Variants in ZW10 observed in about 807,000 individuals in gnomAD.
ZW10 encodes zw10 kinetochore protein, also known as centromere/kinetochore protein zw10 homolog.
In ZW10, 53 loss-of-function variants were observed where a neutral mutation model predicts 87.8. The observed-to-expected ratio is 0.60, with a 90% CI of 0.48 to 0.76. The LOEUF (loss-of-function observed/expected upper bound fraction) is 0.76, where lower values mean the gene tolerates loss of function less well. ZW10 is among the 30% of genes least tolerant of loss of function. ZW10 has a pLI of 0.00. For synonymous variants in ZW10, 312 were observed against 329.2 expected (o/e 0.95, Z 0.57); for missense variants, 837 against 923.0 (o/e 0.91, Z 1.21).
Position 113,733,555 on chromosome 11 carries a change from C to T in ZW10, c.*139G>A, listed in dbSNP as rs553332580. 2.3e-5 allele frequency: 26 copies of T among 1,127,456 alleles called. No individual in the cohort carries two copies. The highest frequency in any genetic ancestry group is 4.2e-5 in the South Asian group (3 of 71,946). 69.8% of individuals were successfully genotyped at this position (1,127,456 alleles called of 1,614,324 possible). A position where few individuals can be genotyped will look rare whatever the true frequency, so the allele number is the denominator to read the frequency against. On this transcript the variant is annotated 3_prime_UTR_variant, in exon 16 of 16. Coordinates refer to ENST00000200135, the MANE Select transcript of ZW10 (RefSeq NM_004724.4). ...GCCTCGTACAGGCCAGGAGGTAAGA[C>T]GTTCTTCTGTAAAGTCAAACTTCCA... is the stretch of plus-strand genomic sequence containing the variant.
In ZW10 at chr11:113,757,475, T is replaced by C. The variant is rs111498655; in HGVS notation, c.925+187A>G. On this transcript the variant is annotated intron_variant, in intron 7 of 15. Coordinates refer to ENST00000200135, the MANE Select transcript of ZW10 (RefSeq NM_004724.4). ...CTGATGGCCCTACTTGTCAATACAA[T>C]GCAGAGAAGGAATGCAAAATAGGCA... Among the ~76,000 whole-genome samples the C allele has an allele frequency of 6.9e-3, 1,052 of 152,288 alleles. 7 individuals are homozygous for C. Among genetic ancestry groups the C allele is most frequent in the African/African-American group, 0.024 (993 of 41,556 alleles).
At chr11:113,757,950 C>A in intron 6 of ZW10, 97 bp from the exon 7 acceptor site, 1 of 1,020,048 alleles carries the variant, frequency 9.8e-7, no homozygotes, top group East Asian at 2.9e-5. Context: ...CTTTGGGAGG[C>A]CGAGGCAGGT....
At chr11:113,736,397 C>G (rs184789527) in intron 15 of ZW10, among the ~76,000 whole-genome samples, 17 of 152,176 alleles carry the variant, frequency 1.1e-4, no homozygotes, top group Admixed American at 1.1e-3. Context: ...ATACTCAAGA[C>G]CAAAATAATA....
rs1953853411 is a variant in ZW10 at position 113,760,902 on chromosome 11, T to C, written c.257A>G (p.His86Arg). 3.7e-6 allele frequency: 6 copies of C among 1,613,944 alleles called. No individual in the cohort carries two copies. Among genetic ancestry groups the C allele is most frequent in the Admixed American group, 1.7e-5 (1 of 59,980 alleles). Residue 86 changes from histidine (H) to arginine (R), a missense_variant, in exon 3 of 16, where the codon CAC becomes CGC. His to Arg is a conservative substitution (Grantham distance 29). Coordinates refer to ENST00000200135, the MANE Select transcript of ZW10 (RefSeq NM_004724.4). ...GTCTGTAAATTCACCGGTTGATACG[T>C]GAAGATCCCGGCGGACCTAATTCAC... is the stretch of plus-strand genomic sequence containing the variant. ...RIESEVRRDL[H>R]VSTGEFTDLK... is the part of the protein sequence containing the mutation.
In ZW10 at chr11:113,748,271, G is replaced by A. The variant is rs1224846825; in HGVS notation, c.1075C>T (p.Gln359Ter). 6.2e-7 allele frequency: 1 copy of A among 1,612,250 alleles called. No individual in the cohort carries two copies. The highest frequency in any genetic ancestry group is 1.7e-5 in the Admixed American group (1 of 59,502). The change falls in exon 8 of 16, where the codon CAG (glutamine) becomes TAG (stop). Residue 359 changes from glutamine to a stop codon, truncating the protein, a stop_gained. Transcript: ENST00000200135. LOFTEE classifies it high-confidence loss of function. Reference sequence around the variant, plus strand: ...GGGCTCTTTACCTCTTCATATTGCTGTAATTTGCTGCTATTTGTTGGAATC... The same window carrying A: ...GGGCTCTTTACCTCTTCATATTGCTATAATTTGCTGCTATTTGTTGGAATC... ...YSIPTNSSKL[Q>*]QYEEIIQSTE...
chr11:113,760,149 T>C, intron 5 of ZW10, 60 bp downstream of exon 5: 1 of 1,553,306 alleles, frequency 6.4e-7, no homozygotes, highest in African/African-American at 1.4e-5. Context: ...TAGAATATAT[T>C]CAGACACTAC....
intron 3 of ZW10, 68 bp downstream of exon 3, chr11:113,760,749 G>T: frequency 7.2e-7 from 1 of 1,397,970 alleles, no homozygotes; most frequent in East Asian, 2.3e-5. Context: ...TTATAGTCAG[G>T]AGATAGCCAT....
chr11:113,766,964 C>T (rs1953914604), intron 2 of ZW10, among the ~76,000 whole-genome samples: 1 of 151,952 alleles, frequency 6.6e-6, no homozygotes, highest in African/African-American at 2.4e-5. Flanking sequence ...TTGTGGTGAG[C>T]CTAGATCGCA....
Position 113,760,829 on chromosome 11 carries a change from T to G in ZW10, c.330A>C (p.Lys110Asn), listed in dbSNP as rs1360516187. The change falls in exon 3 of 16, where the codon AAA becomes AAC. Residue 110 changes from lysine to asparagine, a missense_variant. Physicochemically the swap from Lys to Asn is moderately conservative, Grantham distance 94 (BLOSUM62 0). Coordinates refer to ENST00000200135, the MANE Select transcript of ZW10 (RefSeq NM_004724.4). Reference protein sequence around the residue: ...ERDSVVLSLLKQLQEFSTAIE... With the variant: ...ERDSVVLSLLNQLQEFSTAIE... ...TGAGTTTACTGACCTCCTGCAACTG[T>G]TTAAGCAAACTTAGGACAACTGAGT... The G allele has an allele frequency of 6.2e-7, 1 of 1,613,954 alleles. No homozygotes were observed. The highest frequency in any genetic ancestry group is 1.7e-5 in the Admixed American group (1 of 59,996).
Position 113,736,673 on chromosome 11 carries a change from T to C in ZW10, c.2166A>G (p.Pro722=), listed in dbSNP as rs767965491. The change falls in exon 15 of 16, where the codon CCA becomes CCG. Residue 722 remains proline, a synonymous_variant. Transcript: ENST00000200135. ...EVPVYVPKWM[P]FKELMMMLQA... is the part of the protein sequence containing the mutation. ...GTAGCATCATCATCAATTCCTTGAATGGCATCCATTTTGGCACATAGACTG... is the reference window on the plus strand; with the variant it reads ...GTAGCATCATCATCAATTCCTTGAACGGCATCCATTTTGGCACATAGACTG... 2.0e-5 allele frequency: 32 copies of C among 1,614,118 alleles called. No individual in the cohort carries two copies. The highest frequency in any genetic ancestry group is 1.6e-4 in the Middle Eastern group (1 of 6,082).
Position 113,733,939 on chromosome 11 carries a change from T to C in ZW10, c.2220-125A>G, listed in dbSNP as rs113125167. 1,992 of 1,144,572 alleles carry C rather than the reference T, an allele frequency of 1.7e-3. 28 individuals are homozygous for C. The African/African-American group carries it at 0.029, about 16-fold the overall frequency. 70.9% of individuals were successfully genotyped at this position (1,144,572 alleles called of 1,614,324 possible). A position where few individuals can be genotyped will look rare whatever the true frequency, so the allele number is the denominator to read the frequency against. On this transcript the variant is annotated intron_variant, in intron 15 of 15. Coordinates refer to ENST00000200135, the MANE Select transcript of ZW10 (RefSeq NM_004724.4). ...ATGGAAATAAAACAAATCCTGGGCA[T>C]CTTTCCTCTTCTTTATAGAACTGCC...
intron 2 of ZW10, among the ~76,000 whole-genome samples, chr11:113,763,049 T>G (rs1261150357): frequency 6.6e-6 from 1 of 152,112 alleles, no homozygotes; most frequent in East Asian, 1.9e-4. Flanking sequence ...CTGGTGTGTG[T>G]TGTTCCCCTC....
At chr11:113,769,824 T>C (rs1953945767) in intron 1 of ZW10, 1 of 389,176 alleles carries the variant, frequency 2.6e-6, no homozygotes, top group African/African-American at 2.3e-5. Context: ...ATAATTTTGC[T>C]AGGAAAAACA....
intron 2 of ZW10, among the ~76,000 whole-genome samples, chr11:113,761,790 CT>C (rs1368011575): frequency 6.6e-6 from 1 of 152,130 alleles, no homozygotes; most frequent in Non-Finnish European, 1.5e-5. Context: ...TTTCTCCCAT[CT>C]TTCAGAAAAA....
intron 2 of ZW10, among the ~76,000 whole-genome samples, chr11:113,768,373 C>T (rs536259247): frequency 2.5e-4 from 38 of 152,320 alleles, no homozygotes; most frequent in African/African-American, 8.2e-4. Context: ...TAAATTTCAA[C>T]AGCCAGGGTG....
Position 113,768,820 on chromosome 11 carries a change from A to G in ZW10, c.240+13T>C, listed in dbSNP as rs372788787. On this transcript the variant is annotated intron_variant, in intron 2 of 15. Coordinates refer to ENST00000200135, the MANE Select transcript of ZW10 (RefSeq NM_004724.4). ...TCCCTACAAACCTACCCAATATAAC[A>G]AATTATCCTTACCTCACTCTCTATC... 1.1e-5 allele frequency: 17 copies of G among 1,613,540 alleles called. No individual in the cohort carries two copies. In the African/African-American group the frequency reaches 2.3e-4, roughly 22 times the overall value.
intron 2 of ZW10, among the ~76,000 whole-genome samples, chr11:113,764,262 A>T (rs1347954218): frequency 6.6e-6 from 1 of 152,194 alleles, no homozygotes; most frequent in Non-Finnish European, 1.5e-5. Flanking sequence ...TGGTTACTGT[A>T]GGCTTGCAGT....
rs754433795 is a variant in ZW10 at position 113,738,376 on chromosome 11, G to A, written c.1772C>T (p.Ala591Val). The A allele has an allele frequency of 5.0e-6, 8 of 1,611,416 alleles. No homozygotes were observed. The highest frequency in any genetic ancestry group is 1.7e-4 in the Middle Eastern group (1 of 6,040). Residue 591 changes from alanine to valine, a missense_variant, in exon 13 of 16, where the codon GCC (alanine) becomes GTC (valine). Transcript: ENST00000200135. Reference protein sequence around the residue: ...FRRLGTECFLAQMRAQKGELL... With the variant: ...FRRLGTECFLVQMRAQKGELL... ...TTCACCTTTCTGTGCCCGCATTTGGGCCAAAAAGCATTCTGTCCCTATGAT... is the reference window on the plus strand; with the variant it reads ...TTCACCTTTCTGTGCCCGCATTTGGACCAAAAAGCATTCTGTCCCTATGAT...
At position 113,738,253 on chromosome 11, in the gene ZW10, G is replaced by A. The variant is rs1167633252; in HGVS notation, c.1884+11C>T. On this transcript the variant is annotated intron_variant, in intron 13 of 15. Coordinates refer to ENST00000200135, the MANE Select transcript of ZW10 (RefSeq NM_004724.4). Reference sequence around the variant, plus strand: ...AGAATACAAATTTCAGTGCTAGCAAGAGCCTCCTACCTGCCGGACTGCTTT... The same window carrying A: ...AGAATACAAATTTCAGTGCTAGCAAAAGCCTCCTACCTGCCGGACTGCTTT... The A allele has an allele frequency of 1.3e-6, 2 of 1,587,952 alleles. No homozygotes were observed. The highest frequency in any genetic ancestry group is 2.3e-5 in the East Asian group (1 of 44,256).
Sources: allele counts gnomAD v4.1 joint callset (sites outside exome capture counted in the v4.1 genomes callset), GRCh38; gene constraint gnomAD v4.1.1; transcripts MANE v1.5; gene names NCBI Gene and HGNC (gene_info 2026-07-23, HGNC 2026-07-21).